The following SYT1 variants were observed in gnomAD, a reference collection of about 807,000 sequenced individuals.
The protein encoded by SYT1 is synaptotagmin 1.
SYT1 carries 8 observed loss-of-function variants against 44.8 expected under a neutral mutation model. The ratio of observed to expected loss-of-function variants is 0.18; its 90% CI spans 0.10 to 0.32. The LOEUF is 0.32. SYT1 is among the 10% of genes least tolerant of loss of function. The probability of loss-of-function intolerance (pLI) is 1.00; values close to 1 mark genes in which losing one functional copy is unlikely to be tolerated. For missense variants in SYT1, 286 were observed against 509.3 expected (o/e 0.56, Z 4.22); for synonymous variants, 154 against 188.8 (o/e 0.82, Z 1.51).
At chr12:78,995,527 A>G (rs1198084403) in intron 2 of SYT1, among the ~76,000 whole-genome samples, 1 of 152,228 alleles carries the variant, frequency 6.6e-6, no homozygotes, top group African/African-American at 2.4e-5. Context: ...CACCTGAAGC[A>G]GCTATATAAG....
At chr12:79,117,201 A>G (rs1879321252) in intron 3 of SYT1, among the ~76,000 whole-genome samples, 1 of 152,180 alleles carries the variant, frequency 6.6e-6, no homozygotes, top group Non-Finnish European at 1.5e-5. Flanking sequence ...CAGTTTTACT[A>G]CAATTAAAAT....
At chr12:79,346,777 G>A (rs144872035) in intron 8 of SYT1, among the ~76,000 whole-genome samples, 33 of 152,276 alleles carry the variant, frequency 2.2e-4, no homozygotes, top group African/African-American at 7.0e-4. Context: ...CAAAGCAGAT[G>A]ACTGGTGAGG....
In SYT1 at chr12:79,410,698, A is replaced by G. The variant is rs1197492772; in HGVS notation, c.929-33375A>G. Among the ~76,000 whole-genome samples, 12 of 152,218 alleles carry G rather than the reference A, an allele frequency of 7.9e-5. No homozygotes were observed. The South Asian group carries it at 1.9e-3, about 24-fold the overall frequency. Reference sequence around the variant, plus strand: ...CTGGTTTTAAAACTTCATTATTTTCACCATTATTCACATCCATTTAATGTG... The same window carrying G: ...CTGGTTTTAAAACTTCATTATTTTCGCCATTATTCACATCCATTTAATGTG... On this transcript the variant is annotated intron_variant, in intron 9 of 10. Coordinates refer to ENST00000261205, the MANE Select transcript of SYT1 (RefSeq NM_005639.3).
At chr12:79,275,089 G>A (rs925719629) in intron 4 of SYT1, among the ~76,000 whole-genome samples, 4 of 152,070 alleles carry the variant, frequency 2.6e-5, no homozygotes, top group African/African-American at 9.7e-5. Context: ...CCACTCCTAG[G>A]GGAAAAGGGA....
chr12:79,199,172 G>A (rs1376075480), intron 3 of SYT1, among the ~76,000 whole-genome samples: 1 of 152,036 alleles, frequency 6.6e-6, no homozygotes, highest in East Asian at 1.9e-4. Flanking sequence ...CTCTTTGGAA[G>A]GCTGTTTGTC....
At chr12:79,097,351 G>A (rs940821119) in intron 3 of SYT1, among the ~76,000 whole-genome samples, 1 of 151,950 alleles carries the variant, frequency 6.6e-6, no homozygotes, top group Admixed American at 6.6e-5. Flanking sequence ...CATACATCCG[G>A]TACATAAGCA....
chr12:78,957,705 C>T (rs770959936), intron 1 of SYT1, among the ~76,000 whole-genome samples: 46 of 152,112 alleles, frequency 3.0e-4, no homozygotes, highest in Non-Finnish European at 5.9e-5. Flanking sequence ...GTTATTGTTA[C>T]TGTTGTTGTT....
At chr12:79,142,588 G>T (rs898040838) in intron 3 of SYT1, among the ~76,000 whole-genome samples, 5 of 152,122 alleles carry the variant, frequency 3.3e-5, no homozygotes, top group Admixed American at 3.3e-4. Context: ...ATGATGGAAT[G>T]GAATATTTCC....
chr12:79,342,753 C>A (rs1047617579), intron 8 of SYT1, among the ~76,000 whole-genome samples: 1 of 152,190 alleles, frequency 6.6e-6, no homozygotes, highest in East Asian at 1.9e-4. Context: ...CTGGCTTAAG[C>A]AACCCCTTGG....
At chr12:79,138,312 C>T (rs1364156296) in intron 3 of SYT1, among the ~76,000 whole-genome samples, 1 of 152,036 alleles carries the variant, frequency 6.6e-6, no homozygotes, top group Admixed American at 6.6e-5. Context: ...TAAAAGATAC[C>T]TCTAGAAACT....
At chr12:79,337,098 C>A (rs956311985) in intron 8 of SYT1, among the ~76,000 whole-genome samples, 1 of 151,848 alleles carries the variant, frequency 6.6e-6, no homozygotes, top group Admixed American at 6.6e-5. Context: ...GACCCCTTGG[C>A]TCACAGATAG....
chr12:79,311,405 T>A (rs1290654755), intron 8 of SYT1, among the ~76,000 whole-genome samples: 1 of 144,250 alleles, frequency 6.9e-6, no homozygotes, highest in African/African-American at 2.6e-5. Context: ...TAGGAACACT[T>A]TTACACTGTT....
At chr12:79,407,797 T>C (rs1275479209) in intron 9 of SYT1, among the ~76,000 whole-genome samples, 3 of 152,110 alleles carry the variant, frequency 2.0e-5, no homozygotes, top group Non-Finnish European at 2.9e-5. Context: ...ATTATAGTTT[T>C]AGAGTGGATG....
intron 1 of SYT1, among the ~76,000 whole-genome samples, chr12:78,890,816 C>CT (rs1347620570): frequency 6.6e-6 from 1 of 151,922 alleles, no homozygotes; most frequent in Non-Finnish European, 1.5e-5. Context: ...AATCCGGAGT[C>CT]TATCTTTTCC....
Position 78,982,714 on chromosome 12 carries a change from T to A in SYT1, c.-84+4783T>A, listed in dbSNP as rs181948848. Among the ~76,000 whole-genome samples the A allele has an allele frequency of 6.6e-4, 100 of 152,308 alleles. 1 individual carries two copies. Among genetic ancestry groups the A allele is most frequent in the Middle Eastern group, 3.4e-3 (1 of 294 alleles). On this transcript the variant is annotated intron_variant, in intron 2 of 10. Coordinates refer to ENST00000261205, the MANE Select transcript of SYT1 (RefSeq NM_005639.3). Reference sequence around the variant, plus strand: ...TAAACGGTTTTGTTACCCCAAAGCATAGAAGTGATACCTCAAAATTTATAA... The same window carrying A: ...TAAACGGTTTTGTTACCCCAAAGCAAAGAAGTGATACCTCAAAATTTATAA...
chr12:79,197,257 T>C (rs1192459021), intron 3 of SYT1, among the ~76,000 whole-genome samples: 1 of 152,174 alleles, frequency 6.6e-6, no homozygotes, highest in African/African-American at 2.4e-5. Flanking sequence ...TTTATGAGAT[T>C]GATGAAGTTG....
At chr12:79,007,620 G>T (rs1871175623) in intron 2 of SYT1, among the ~76,000 whole-genome samples, 1 of 152,100 alleles carries the variant, frequency 6.6e-6, no homozygotes, top group South Asian at 2.1e-4. Context: ...TCAGAAGTTA[G>T]TGAACGGTTA....
intron 3 of SYT1, among the ~76,000 whole-genome samples, chr12:79,129,449 A>C (rs1296555517): frequency 4.6e-5 from 7 of 152,234 alleles, no homozygotes; most frequent in Non-Finnish European, 1.0e-4. Flanking sequence ...GAAAGAGCAC[A>C]GTCAAGCTGA....
chr12:79,053,374 G>A (rs1466855558), intron 3 of SYT1, among the ~76,000 whole-genome samples: 1 of 152,052 alleles, frequency 6.6e-6, no homozygotes, highest in Non-Finnish European at 1.5e-5. Flanking sequence ...GGGGGAGCAG[G>A]GAGGGATAGC....
Sources: gnomAD v4.1 joint callset for allele counts (sites outside exome capture counted in the v4.1 genomes callset) on GRCh38, gnomAD v4.1.1 for gene constraint, MANE v1.5 for transcripts, NCBI Gene and HGNC (gene_info 2026-07-23, HGNC 2026-07-21) for gene names.